The following GPR21 variants were observed in gnomAD, a reference collection of about 807,000 sequenced individuals.
GPR21 encodes the protein G protein-coupled receptor 21, also known as probable G protein-coupled receptor 21.
In GPR21, 9 loss-of-function variants were observed where a neutral mutation model predicts 21.5. The ratio of observed to expected loss-of-function variants is 0.42; its 90% CI spans 0.25 to 0.73. The LOEUF (loss-of-function observed/expected upper bound fraction) is 0.73, where lower values mean the gene tolerates loss of function less well. GPR21 is among the 30% of genes least tolerant of loss of function. The pLI, the probability that GPR21 is intolerant of heterozygous loss-of-function variation, is 0.27. For synonymous variants in GPR21, 169 were observed against 159.3 expected (o/e 1.06, Z -0.46); for missense variants, 416 against 428.9 (o/e 0.97, Z 0.27).
At chr9:123,038,611 G>A (rs755774475), downstream of GPR21, among the ~76,000 whole-genome samples, 8 of 152,204 alleles carry the variant, frequency 5.3e-5, no homozygotes, top group South Asian at 2.1e-4. Context: ...TGTTACATGA[G>A]CAAATTTTGG....
chr9:123,036,386 A>G (rs1588310356), downstream of GPR21, among the ~76,000 whole-genome samples: 1 of 152,248 alleles, frequency 6.6e-6, no homozygotes, highest in Admixed American at 6.5e-5. Context: ...TGTTATGTCT[A>G]TATTTAGAAT....
Position 123,034,896 on chromosome 9 carries a change from A to G in GPR21, c.330A>G (p.Ser110=). 6.2e-7 allele frequency: 1 copy of G among 1,613,450 alleles called. No homozygotes were observed. The highest frequency in any genetic ancestry group is 8.5e-7 in the Non-Finnish European group (1 of 1,179,390). Residue 110 remains serine, a synonymous_variant, in exon 2 of 2, where the codon TCA becomes TCG. Transcript: ENST00000616002. ...GCCAGATATTTGGTTTTGTAGTATC[A>G]GTTCTGAAGAGCGTCTCCATGGCTT... ...LTCQIFGFVV[S]VLKSVSMASL...
In GPR21 at chr9:123,034,810, T is replaced by TG. The variant is rs765098516; in HGVS notation, c.245dup (p.Cys82TrpfsTer45). ...TGCTGACCTTTTTGTTGGGGTGAGC[T>TG]GCGTGGTCCCTTCTTTATCACTCCT... On this transcript the variant is annotated frameshift_variant, in exon 2 of 2. Transcript: ENST00000616002. LOFTEE classifies it high-confidence loss of function. The TG allele has an allele frequency of 9.3e-6, 15 of 1,613,862 alleles. No homozygotes were observed. In the Admixed American group the frequency reaches 2.2e-4, roughly 23 times the overall value.
At chr9:123,041,013 T>C in the GPR21 span, among the ~76,000 whole-genome samples, 1 of 152,208 alleles carries the variant, frequency 6.6e-6, no homozygotes, top group Non-Finnish European at 1.5e-5. Context: ...ATATTGCTTT[T>C]GCAGAGGAGT....
rs868029355 is a variant in GPR21, at chr9:123,035,400, T to C, written c.834T>C (p.Thr278=). ...TCTACTTCTTGTTGGAAAGCTCCAC[T>C]GGCCACAGCAACCGCTTCGCATCCT... ...YIIYFLLESS[T]GHSNRFASFL... The change falls in exon 2 of 2, where the codon ACT becomes ACC. Residue 278 remains threonine (T), a synonymous_variant. Coordinates refer to ENST00000616002, the MANE Select transcript of GPR21 (RefSeq NM_005294.3). The C allele has an allele frequency of 3.7e-6, 6 of 1,614,166 alleles. No individual in the cohort carries two copies. In the Middle Eastern group the frequency reaches 6.6e-4, roughly 178 times the overall value.
chr9:123,047,786 G>A, the GPR21 span, among the ~76,000 whole-genome samples: 2 of 151,934 alleles, frequency 1.3e-5, no homozygotes, highest in Non-Finnish European at 2.9e-5. Flanking sequence ...GACCTCTTAC[G>A]GAATTCTTAA....
At chr9:123,043,144 ACGTACTTTCT>A in the GPR21 span, among the ~76,000 whole-genome samples, 1 of 152,192 alleles carries the variant, frequency 6.6e-6, no homozygotes, top group African/African-American at 2.4e-5. Context: ...ACCTGCCTTA[ACGTACTTTCT>A]CGGGAAGTTA....
chr9:123,037,271 C>A (rs1252364627), downstream of GPR21, among the ~76,000 whole-genome samples: 2 of 152,192 alleles, frequency 1.3e-5, no homozygotes, highest in African/African-American at 4.8e-5. Flanking sequence ...TAGACATCAA[C>A]TTGATTTTAA....
the GPR21 span, among the ~76,000 whole-genome samples, chr9:123,045,863 A>G: frequency 6.6e-6 from 1 of 152,226 alleles, no homozygotes; most frequent in East Asian, 1.9e-4. Context: ...ATTAGGTACT[A>G]TCACATCTAA....
At chr9:123,043,799 GA>G in the GPR21 span, among the ~76,000 whole-genome samples, 1 of 151,918 alleles carries the variant, frequency 6.6e-6, no homozygotes, top group Non-Finnish European at 1.5e-5. Flanking sequence ...AAGGAGAGGT[GA>G]AAATGGTTGC....
chr9:123,034,602 C>CTTGG lies in GPR21; in HGVS notation c.36_37insTTGG (p.Pro13LeufsTer64). The CTTGG allele has an allele frequency of 6.2e-7, 1 of 1,612,328 alleles. No individual in the cohort carries two copies. The highest frequency in any genetic ancestry group is 1.1e-5 in the South Asian group (1 of 90,710). Reference sequence around the variant, plus strand: ...CCTTGGATGGTAATCAGAGCAGCCACCCTTTTTGCCTCTTGGCATTTGGCT... The same window carrying CTTGG: ...CCTTGGATGGTAATCAGAGCAGCCACTTGGCCTTTTTGCCTCTTGGCATTTGGCT... On this transcript the variant is annotated frameshift_variant, in exon 2 of 2. Coordinates refer to ENST00000616002, the MANE Select transcript of GPR21 (RefSeq NM_005294.3). LOFTEE classifies it high-confidence loss of function.
downstream of GPR21, among the ~76,000 whole-genome samples, chr9:123,037,835 G>A (rs1419789355): frequency 1.3e-5 from 2 of 152,004 alleles, no homozygotes; most frequent in African/African-American, 4.8e-5. Flanking sequence ...ATGTTTAACT[G>A]AACTTTTCAT....
chr9:123,047,604 A>G, the GPR21 span, among the ~76,000 whole-genome samples: 3 of 152,078 alleles, frequency 2.0e-5, no homozygotes, highest in Admixed American at 6.6e-5. Context: ...TTGTTTTTTG[A>G]TACTTATTAA....
downstream of GPR21, among the ~76,000 whole-genome samples, chr9:123,040,574 T>G (rs139775032): frequency 5.3e-5 from 8 of 152,338 alleles, no homozygotes; most frequent in South Asian, 1.2e-3. Context: ...CAAGTCTTAG[T>G]AGTCTGCAAG....
the GPR21 span, among the ~76,000 whole-genome samples, chr9:123,046,614 T>G: frequency 6.6e-6 from 1 of 152,232 alleles, no homozygotes; most frequent in Non-Finnish European, 1.5e-5. Context: ...AATGAGCTAA[T>G]GCATGTAAAG....
chr9:123,038,216 T>C (rs1423765822), downstream of GPR21, among the ~76,000 whole-genome samples: 2 of 152,206 alleles, frequency 1.3e-5, no homozygotes, highest in Admixed American at 6.5e-5. Flanking sequence ...TGCGTTTTTT[T>C]CACGGGCCTA....
chr9:123,035,630 C>T lies in GPR21; in HGVS notation c.*14C>T, dbSNP rs367580153. 8.0e-5 allele frequency: 115 copies of T among 1,446,282 alleles called. No homozygotes were observed. The highest frequency in any genetic ancestry group is 7.0e-5 in the Non-Finnish European group (74 of 1,064,048). The allele number at this position is 1,446,282 out of a possible 1,614,324, so 89.6% of individuals were successfully genotyped here. The stretch of plus-strand genomic sequence containing the variant: ...TGTCATATCTGAAGTGGCTCAGTTA[C>T]GGGGTTCCCGTGTGTGTGTGTGTGT... On this transcript the variant is annotated 3_prime_UTR_variant, in exon 2 of 2. Coordinates refer to ENST00000616002, the MANE Select transcript of GPR21 (RefSeq NM_005294.3).
chr9:123,034,937 GCATTGATAGATA>G lies in GPR21; in HGVS notation c.377_388del (p.Asp126_Ile129del). On this transcript the variant is annotated inframe_deletion, in exon 2 of 2. Coordinates refer to ENST00000616002, the MANE Select transcript of GPR21 (RefSeq NM_005294.3). ...TCCATGGCTTCTCTGGCCTGTATCA[GCATTGATAGATA>G]CATTGCCATTACTAAACCTTTAACC... The G allele has an allele frequency of 6.2e-7, 1 of 1,612,146 alleles. No homozygotes were observed. Among genetic ancestry groups the G allele is most frequent in the Non-Finnish European group, 8.5e-7 (1 of 1,178,212 alleles).
chr9:123,037,868 T>A (rs1415299407), downstream of GPR21, among the ~76,000 whole-genome samples: 1 of 152,136 alleles, frequency 6.6e-6, no homozygotes, highest in Non-Finnish European at 1.5e-5. Flanking sequence ...AATGCAACAT[T>A]TGATGACATT....
Sources: gnomAD v4.1 joint callset for allele counts (sites outside exome capture counted in the v4.1 genomes callset) on GRCh38, gnomAD v4.1.1 for gene constraint, MANE v1.5 for transcripts, NCBI Gene and HGNC (gene_info 2026-07-23, HGNC 2026-07-21) for gene names.